The following LPIN2 variants were observed in gnomAD, a reference collection of about 807,000 sequenced individuals.
LPIN2 encodes the protein lipin 2.
LPIN2 carries 55 observed loss-of-function variants against 111.4 expected under a neutral mutation model. That is an observed-to-expected ratio of 0.49 (90% CI 0.40 to 0.62). The LOEUF (loss-of-function observed/expected upper bound fraction) is 0.62. Among genes scored for constraint, LPIN2 ranks in the 20% least tolerant of loss-of-function variants. The probability of loss-of-function intolerance (pLI) is 0.00; values close to 1 mark genes in which losing one functional copy is unlikely to be tolerated. For missense variants in LPIN2, 992 were observed against 1,112.1 expected (o/e 0.89, Z 1.54); for synonymous variants, 425 against 414.0 (o/e 1.03, Z -0.32).
intron 4 of LPIN2, chr18:2,946,189 A>T (rs745841661): frequency 1.2e-6 from 2 of 1,609,552 alleles, no homozygotes. Flanking sequence ...TTAATTCCAA[A>T]TTTGTCATTG....
At position 2,920,254 on chromosome 18, in the gene LPIN2, G is replaced by A. The variant is rs1178251388; in HGVS notation, c.*39C>T. 6 of 1,613,312 alleles carry A rather than the reference G, an allele frequency of 3.7e-6. No individual in the cohort carries two copies. Among genetic ancestry groups the A allele is most frequent in the South Asian group, 1.1e-5 (1 of 91,068 alleles). ...GCCAGCTGCCTTCCCTTGCTGTGGG[G>A]AGGGGGACCAAGCCCTGCCCACCCA... is the stretch of plus-strand genomic sequence containing the variant. On this transcript the variant is annotated 3_prime_UTR_variant, in exon 20 of 20. Coordinates refer to ENST00000677752, the MANE Select transcript of LPIN2 (RefSeq NM_001375808.2).
chr18:2,927,490 C>G (rs1392724900), intron 12 of LPIN2, among the ~76,000 whole-genome samples: 2 of 152,134 alleles, frequency 1.3e-5, no homozygotes, highest in Admixed American at 6.5e-5. Context: ...TCGTGAAGCA[C>G]CCAAGTTTCC....
rs760510209 is a variant in LPIN2, at chr18:2,925,302, G to A, written c.1860C>T (p.Asp620=). 11 of 1,614,042 alleles carry A rather than the reference G, an allele frequency of 6.8e-6. No individual in the cohort carries two copies. The highest frequency in any genetic ancestry group is 9.3e-6 in the Non-Finnish European group (11 of 1,180,016). ...SQELEESITV[D]PIPTEPLSHG... is the part of the protein sequence containing the mutation. ...GGCTCAGGGGCTCTGTGGGGATGGG[G>A]TCCACTGTGATGGATTCTTCGAGCT... The change falls in exon 14 of 20, where the codon GAC becomes GAT. Residue 620 remains aspartate (D), a synonymous_variant. Transcript: ENST00000677752. This position sits in a 1 kb window ranked among gnomAD's most constrained non-coding sequence, Gnocchi z 4.1.
chr18:2,936,497 A>G (rs1349682309), intron 7 of LPIN2, among the ~76,000 whole-genome samples: 1 of 152,236 alleles, frequency 6.6e-6, no homozygotes, highest in East Asian at 1.9e-4. Context: ...CATGGGTTAG[A>G]GTGCAGTGGT....
rs1032298215 is a variant in LPIN2 at position 2,920,014 on chromosome 18, C to G, written c.*279G>C. On this transcript the variant is annotated 3_prime_UTR_variant, in exon 20 of 20. Transcript: ENST00000677752. ...TTAAAATGATGCAATGGAAGGAGGC[C>G]CCAGCTCACAGCAGGAAACATGTGT... The G allele has an allele frequency of 1.9e-6, 1 of 537,506 alleles. No individual in the cohort carries two copies. Among genetic ancestry groups the G allele is most frequent in the Non-Finnish European group, 3.4e-6 (1 of 297,518 alleles). 33.3% of individuals were successfully genotyped at this position (537,506 alleles called of 1,614,324 possible). A position where few individuals can be genotyped will look rare whatever the true frequency, so the allele number is the denominator to read the frequency against.
intron 1 of LPIN2, among the ~76,000 whole-genome samples, chr18:2,969,626 G>A (rs2077870507): frequency 6.6e-6 from 1 of 152,138 alleles, no homozygotes; most frequent in South Asian, 2.1e-4. Flanking sequence ...GTGGTCCTTG[G>A]ACTGCCTGCA....
intron 1 of LPIN2, among the ~76,000 whole-genome samples, chr18:2,984,006 T>G (rs2143388126): frequency 6.6e-6 from 1 of 152,312 alleles, no homozygotes; most frequent in South Asian, 2.1e-4. Flanking sequence ...TTTAGTTAAT[T>G]CATCAACAAT....
intron 1 of LPIN2, among the ~76,000 whole-genome samples, chr18:2,971,947 C>T (rs549909572): frequency 2.0e-5 from 3 of 151,674 alleles, no homozygotes; most frequent in African/African-American, 4.8e-5. Context: ...CTCAGGAGGC[C>T]GAGACACGAG....
intron 1 of LPIN2, among the ~76,000 whole-genome samples, chr18:2,969,962 T>C (rs1384481620): frequency 6.6e-6 from 1 of 152,180 alleles, no homozygotes; most frequent in Admixed American, 6.5e-5. Flanking sequence ...AAGCAATAGA[T>C]AGTAATAGAA....
chr18:2,921,274 T>G, intron 18 of LPIN2: 2 of 581,904 alleles, frequency 3.4e-6, no homozygotes, highest in Non-Finnish European at 6.1e-6. Context: ...GAGCCGGAGC[T>G]GCCTGAGGAA....
chr18:2,948,243 G>A (rs963629365), intron 4 of LPIN2: 2 of 152,096 alleles, frequency 1.3e-5, no homozygotes, highest in Admixed American at 6.5e-5. Context: ...TCCTGAAAAC[G>A]ACTGCAAGGC....
chr18:2,946,836 C>A, intron 4 of LPIN2: 1 of 345,892 alleles, frequency 2.9e-6, no homozygotes. Context: ...CAGTACGAGT[C>A]AACGAATTTC....
intron 7 of LPIN2, among the ~76,000 whole-genome samples, chr18:2,935,644 G>A (rs1315228367): frequency 5.9e-5 from 9 of 152,200 alleles, no homozygotes; most frequent in Non-Finnish European, 1.3e-4. Context: ...ATGTAAACAT[G>A]AATTCTTCAA....
In LPIN2 at chr18:2,923,765, G is replaced by A. The variant is rs201227858; in HGVS notation, c.2174+10C>T. 59 of 1,611,558 alleles carry A rather than the reference G, an allele frequency of 3.7e-5. No individual in the cohort carries two copies. Among genetic ancestry groups the A allele is most frequent in the African/African-American group, 3.2e-4 (24 of 74,996 alleles). On this transcript the variant is annotated intron_variant, in intron 16 of 19. Coordinates refer to ENST00000677752, the MANE Select transcript of LPIN2 (RefSeq NM_001375808.2). ...TCACCAGAGCGAGTTAACGTGGGGA[G>A]GGTACCTACTCATTGATGGAATGGT...
chr18:2,935,689 TCA>T (rs1486806592), intron 7 of LPIN2, among the ~76,000 whole-genome samples: 1 of 152,238 alleles, frequency 6.6e-6, no homozygotes, highest in African/African-American at 2.4e-5. Context: ...CAGAGAATGT[TCA>T]CATTCTTAGA....
At chr18:2,959,333 CA>C (rs1275694032) in intron 2 of LPIN2, among the ~76,000 whole-genome samples, 2 of 152,066 alleles carry the variant, frequency 1.3e-5, no homozygotes, top group African/African-American at 4.8e-5. Flanking sequence ...CTTTCACTCT[CA>C]AAATAACATT....
At chr18:2,982,838 T>C (rs1360087940) in intron 1 of LPIN2, 1 of 657,528 alleles carries the variant, frequency 1.5e-6, no homozygotes, top group East Asian at 6.7e-5. Flanking sequence ...AGCTGCTCTC[T>C]TGACAAACTG....
In LPIN2 at chr18:2,939,413, T is replaced by C. The variant is rs761792055; in HGVS notation, c.822+67A>G. On this transcript the variant is annotated intron_variant, in intron 6 of 19. Transcript: ENST00000677752. ...AGTCAGAAATTGCCTCCTTTACTTATGGGCAGAGGAATTCGTCACTTGTTT... is the reference window on the plus strand; with the variant it reads ...AGTCAGAAATTGCCTCCTTTACTTACGGGCAGAGGAATTCGTCACTTGTTT... The C allele has an allele frequency of 1.9e-5, 31 of 1,599,324 alleles. 2 individuals carry two copies. The South Asian group carries it at 2.8e-4, about 14-fold the overall frequency.
intron 12 of LPIN2, 56 bp downstream of exon 12, chr18:2,927,666 A>G (rs2077154120): frequency 6.3e-7 from 1 of 1,579,526 alleles, no homozygotes; most frequent in Admixed American, 1.7e-5. Flanking sequence ...TTTTTTGAAT[A>G]AATGAAAGAT....
Sources: allele counts gnomAD v4.1 joint callset (sites outside exome capture counted in the v4.1 genomes callset), GRCh38; gene constraint gnomAD v4.1.1; non-coding constraint Gnocchi (gnomAD v3.1); transcripts MANE v1.5; gene names NCBI Gene and HGNC (gene_info 2026-07-23, HGNC 2026-07-21).